SQLE: variants seen among roughly 807,000 people sequenced by gnomAD.
SQLE encodes squalene monooxygenase.
Under a neutral mutation model 60.7 loss-of-function variants are expected in SQLE, and 29 were observed. The observed-to-expected ratio is 0.48, with a 90% CI of 0.36 to 0.65. The LOEUF (loss-of-function observed/expected upper bound fraction) is 0.65. Among genes scored for constraint, SQLE ranks in the 30% least tolerant of loss-of-function variants. The pLI is 0.00. For synonymous variants in SQLE, 237 were observed against 246.8 expected (o/e 0.96, Z 0.37); for missense variants, 605 against 684.1 (o/e 0.88, Z 1.29).
intron 3 of SQLE, among the ~76,000 whole-genome samples, chr8:125,006,962 C>T (rs1814961753): frequency 6.6e-6 from 1 of 152,114 alleles, no homozygotes; most frequent in Non-Finnish European, 1.5e-5. Context: ...CTTGGCCTCC[C>T]AAAGTTCTGG....
intron 7 of SQLE, among the ~76,000 whole-genome samples, chr8:125,014,979 T>C (rs1367561787): frequency 6.6e-6 from 1 of 152,334 alleles, no homozygotes; most frequent in East Asian, 1.9e-4. Context: ...TCTGTCTGGA[T>C]GATCTATTCA....
At position 125,011,759 on chromosome 8, in the gene SQLE, A is replaced by G. The variant is rs1015055538; in HGVS notation, c.1204+127A>G. Reference sequence around the variant, plus strand: ...TGTCACTGTGGATTAGTGCATTATTAATACCAAAATTAGTTTTATGATCTA... The same window carrying G: ...TGTCACTGTGGATTAGTGCATTATTGATACCAAAATTAGTTTTATGATCTA... On this transcript the variant is annotated intron_variant, in intron 7 of 10. Coordinates refer to ENST00000265896, the MANE Select transcript of SQLE (RefSeq NM_003129.4). The G allele has an allele frequency of 4.4e-5, 33 of 755,030 alleles. No individual in the cohort carries two copies. In the Middle Eastern group the frequency reaches 2.0e-3, roughly 46 times the overall value. 46.8% of individuals were successfully genotyped at this position (755,030 alleles called of 1,614,324 possible). A position where few individuals can be genotyped will look rare whatever the true frequency, so the allele number is the denominator to read the frequency against.
chr8:125,006,620 C>CA lies in SQLE; in HGVS notation c.726-756dup, dbSNP rs575609752. ...TGGGCGACAGAGCGAGACTTGGTCT[C>CA]AAAAAAAAAAAAAAAGAAAATGGAA... On this transcript the variant is annotated intron_variant, in intron 3 of 10. Coordinates refer to ENST00000265896, the MANE Select transcript of SQLE (RefSeq NM_003129.4). Among the ~76,000 whole-genome samples, 366 of 65,070 alleles carry CA rather than the reference C, an allele frequency of 5.6e-3. 11 individuals carry two copies. The highest frequency in any genetic ancestry group is 0.012 in the East Asian group (23 of 1,982). The allele number at this position is 65,070 out of a possible 152,430, so 42.7% of individuals were successfully genotyped here.
In SQLE at chr8:125,021,802, A is replaced by G. The variant is rs774934453; in HGVS notation, c.1582A>G (p.Ile528Val). 11 of 1,609,298 alleles carry G rather than the reference A, an allele frequency of 6.8e-6. No individual in the cohort carries two copies. The East Asian group carries it at 2.0e-4, about 29-fold the overall frequency. Residue 528 changes from isoleucine (I) to valine (V), a missense_variant, in exon 11 of 11, where the codon ATC (isoleucine) becomes GTC (valine). Ile to Val is a conservative substitution (Grantham distance 29). Coordinates refer to ENST00000265896, the MANE Select transcript of SQLE (RefSeq NM_003129.4). ...AATTGGACACTTCTTTGCTGTTGCAATCTATGCCGTGTATTTTTGCTTTAA... is the reference window on the plus strand; with the variant it reads ...AATTGGACACTTCTTTGCTGTTGCAGTCTATGCCGTGTATTTTTGCTTTAA... ...VLIGHFFAVAIYAVYFCFKSE... is the reference protein window; with the variant it reads ...VLIGHFFAVAVYAVYFCFKSE...
At chr8:125,007,148 A>C (rs1814965360) in intron 3 of SQLE, among the ~76,000 whole-genome samples, 1 of 152,172 alleles carries the variant, frequency 6.6e-6, no homozygotes, top group Non-Finnish European at 1.5e-5. Flanking sequence ...TTAAGATGAA[A>C]ATCCAATGTT....
rs761395104 is a variant in SQLE at position 125,018,061 on chromosome 8, GTTC to G, written c.1213_1215del (p.Leu406del). On this transcript the variant is annotated inframe_deletion, in exon 8 of 11. Transcript: ENST00000265896. ...ATCTTCATTACCTCTCTTCATAGGT[GTTC>G]TTCTTTTGGGAGACGCATATAATAT... 1.2e-5 allele frequency: 20 copies of G among 1,613,152 alleles called. No individual in the cohort carries two copies. Among genetic ancestry groups the G allele is most frequent in the African/African-American group, 5.3e-5 (4 of 74,870 alleles).
At chr8:125,010,142 A>T (rs138161317) in intron 6 of SQLE, among the ~76,000 whole-genome samples, 9 of 152,338 alleles carry the variant, frequency 5.9e-5, no homozygotes, top group African/African-American at 1.9e-4. Context: ...GTAATGGCAG[A>T]ACCAGGGTTG....
rs767638777 is a variant in SQLE, at chr8:125,011,581, C to T, written c.1153C>T (p.Leu385=). Residue 385 remains leucine (L), a synonymous_variant, in exon 7 of 11, where the codon CTG becomes TTG. Coordinates refer to ENST00000265896, the MANE Select transcript of SQLE (RefSeq NM_003129.4). ...PFLEATDNSH[L]RSMPASFLPP... ...CTTAGAAGCCACTGACAATTCTCAT[C>T]TGAGGTCCATGCCAGCAAGCTTCCT... 5 of 1,588,212 alleles carry T rather than the reference C, an allele frequency of 3.1e-6. No homozygotes were observed. The highest frequency in any genetic ancestry group is 4.3e-6 in the Non-Finnish European group (5 of 1,165,668).
rs1815146656 is a variant in SQLE, at chr8:125,018,540, A to T, written c.1348-91A>T. The T allele has an allele frequency of 3.7e-6, 3 of 820,526 alleles. No homozygotes were observed. The South Asian group carries it at 5.4e-5, about 15-fold the overall frequency. The allele number at this position is 820,526 out of a possible 1,614,324, so 50.8% of individuals were successfully genotyped here. ...GCAATATTACTTGCAGATAGTCCTT[A>T]GAAGGATAAGTATCAGTTTGAGGGG... On this transcript the variant is annotated intron_variant, in intron 8 of 10. Coordinates refer to ENST00000265896, the MANE Select transcript of SQLE (RefSeq NM_003129.4).
intron 7 of SQLE, among the ~76,000 whole-genome samples, chr8:125,015,387 T>C (rs1176966675): frequency 5.3e-5 from 8 of 152,214 alleles, no homozygotes; most frequent in African/African-American, 9.6e-5. Context: ...TCCATCTACA[T>C]TGAATGTTAT....
intron 8 of SQLE, 78 bp downstream of exon 8, chr8:125,018,279 G>A (rs1211220635): frequency 2.7e-6 from 4 of 1,462,310 alleles, no homozygotes; most frequent in Non-Finnish European, 3.8e-6. Context: ...GCTCTGATGG[G>A]GAGATCTGTA....
intron 1 of SQLE, among the ~76,000 whole-genome samples, 155 bp from the exon 2 acceptor site, chr8:125,003,021 A>T (rs2129873274): frequency 6.6e-6 from 1 of 152,352 alleles, no homozygotes; most frequent in Admixed American, 6.5e-5. Flanking sequence ...TTTATATATT[A>T]TCTAGATTTT....
At chr8:125,013,346 T>C (rs1048288176) in intron 7 of SQLE, among the ~76,000 whole-genome samples, 4 of 130,706 alleles carry the variant, frequency 3.1e-5, no homozygotes, top group Non-Finnish European at 6.2e-5. Context: ...TACTCCTATG[T>C]TTTCTTTTTC....
At chr8:125,011,657 T>C in intron 7 of SQLE, 25 bp downstream of exon 7, 1 of 1,524,918 alleles carries the variant, frequency 6.6e-7, no homozygotes. Context: ...GCTTATTTTA[T>C]AAAGGAATCA....
intron 6 of SQLE, among the ~76,000 whole-genome samples, chr8:125,010,252 G>C (rs1815018421): frequency 6.6e-6 from 1 of 152,158 alleles, no homozygotes; most frequent in Non-Finnish European, 1.5e-5. Context: ...TGTTAGTTTT[G>C]AGTTGAATAT....
intron 10 of SQLE, among the ~76,000 whole-genome samples, chr8:125,021,172 G>C (rs939017737): frequency 1.3e-5 from 2 of 152,112 alleles, no homozygotes. Flanking sequence ...GAATAATTGA[G>C]AAATTTTAAT....
rs1427933120 is a variant in SQLE, at chr8:125,020,969, A to G, written c.1532+98A>G. 19 of 813,906 alleles carry G rather than the reference A, an allele frequency of 2.3e-5. No individual in the cohort carries two copies. The East Asian group carries it at 4.8e-4, about 21-fold the overall frequency. 50.4% of individuals were successfully genotyped at this position (813,906 alleles called of 1,614,324 possible). On this transcript the variant is annotated intron_variant, in intron 10 of 10. Transcript: ENST00000265896. ...AAATCTTTCTTCCTTACACATTTTG[A>G]TATTTTATTATCTGTTAGTATCCCA...
In SQLE at chr8:124,999,709, A is replaced by G. The variant is rs1419360880; in HGVS notation, c.291+15A>G. The G allele has an allele frequency of 6.4e-7, 1 of 1,557,210 alleles. No homozygotes were observed. The highest frequency in any genetic ancestry group is 8.7e-7 in the Non-Finnish European group (1 of 1,153,050). Reference sequence around the variant, plus strand: ...AGGCCAGGAGGGTAGGTTGATTTCAAAGCGGGCAGATGAATGTCTTATTTA... The same window carrying G: ...AGGCCAGGAGGGTAGGTTGATTTCAGAGCGGGCAGATGAATGTCTTATTTA... On this transcript the variant is annotated intron_variant, in intron 1 of 10. Coordinates refer to ENST00000265896, the MANE Select transcript of SQLE (RefSeq NM_003129.4).
At chr8:125,013,356 C>CTTTTTCTTTTTTTTTTTTTTTT (rs71576761) in intron 7 of SQLE, among the ~76,000 whole-genome samples, 6 of 136,450 alleles carry the variant, frequency 4.4e-5, no homozygotes, top group African/African-American at 1.1e-4. Context: ...TTTTCTTTTT[C>CTTTTTCTTTTTTTTTTTTTTTT]TTTTTTTTTT....
Sources: gnomAD v4.1 joint callset for allele counts (sites outside exome capture counted in the v4.1 genomes callset) on GRCh38, gnomAD v4.1.1 for gene constraint, MANE v1.5 for transcripts, NCBI Gene and HGNC (gene_info 2026-07-23, HGNC 2026-07-21) for gene names.